The following OXR1 variants were observed in gnomAD, a reference collection of about 807,000 sequenced individuals.
OXR1 encodes oxidation resistance 1.
OXR1 carries 41 observed loss-of-function variants against 104.6 expected under a neutral mutation model. That is an observed-to-expected ratio of 0.39 (90% CI 0.31 to 0.51). OXR1 has a LOEUF of 0.51. OXR1 is among the 20% of genes least tolerant of loss of function. OXR1 has a pLI of 0.77. For missense variants in OXR1, 955 were observed against 1,031.9 expected, an observed-to-expected ratio of 0.93 and a Z score of 1.02; for synonymous variants, 348 against 348.4, an observed-to-expected ratio of 1.00 and a Z score of 0.01.
intron 1 of OXR1, among the ~76,000 whole-genome samples, chr8:106,298,037 A>G (rs1396888472): frequency 6.6e-6 from 1 of 152,234 alleles, no homozygotes. Flanking sequence ...TTGCAATAAA[A>G]TTCGGCTGGT....
chr8:106,427,706 G>A (rs189083775), intron 2 of OXR1, among the ~76,000 whole-genome samples: 4 of 152,300 alleles, frequency 2.6e-5, no homozygotes, highest in African/African-American at 9.6e-5. Context: ...TGAAGACTAT[G>A]TTCTGACAGG....
chr8:106,521,909 G>A (rs1057321547), intron 3 of OXR1, among the ~76,000 whole-genome samples: 1 of 152,094 alleles, frequency 6.6e-6, no homozygotes, highest in African/African-American at 2.4e-5. Context: ...GAACGAACCC[G>A]TCTACAAGCC....
In OXR1 at chr8:106,292,371, A is replaced by G. The variant is rs74861161; in HGVS notation, c.-139+22004A>G. 8.5e-5 allele frequency among the ~76,000 whole-genome samples: 13 copies of G among 152,276 alleles called. 1 individual carries two copies. The East Asian group carries it at 2.5e-3, about 29-fold the overall frequency. ...CAGTAAGACTAAATTTAGCCAAGAA[A>G]TTGTGGAGAAGGAAAACAAAATTTG... is the stretch of plus-strand genomic sequence containing the variant. On this transcript the variant is annotated intron_variant, in intron 1 of 16. Coordinates refer to ENST00000517566, the MANE Select transcript of OXR1 (RefSeq NM_001198533.2).
chr8:106,618,758 T>G (rs963778304), intron 3 of OXR1, among the ~76,000 whole-genome samples: 2 of 152,202 alleles, frequency 1.3e-5, no homozygotes, highest in African/African-American at 4.8e-5. Context: ...ATTAAGACTC[T>G]CCAAACCATC....
chr8:106,745,217 G>C (rs1334369560), intron 15 of OXR1, among the ~76,000 whole-genome samples: 1 of 152,160 alleles, frequency 6.6e-6, no homozygotes, highest in Admixed American at 6.5e-5. Context: ...GTTAGAAAAA[G>C]ATATTTAAGA....
intron 11 of OXR1, among the ~76,000 whole-genome samples, chr8:106,731,716 C>T (rs1052070331): frequency 1.3e-5 from 2 of 152,100 alleles, no homozygotes; most frequent in African/African-American, 4.8e-5. Flanking sequence ...TGGGATATTT[C>T]TGAGTGTTTT....
At chr8:106,381,280 G>C (rs1000561616) in intron 2 of OXR1, among the ~76,000 whole-genome samples, 1 of 152,134 alleles carries the variant, frequency 6.6e-6, no homozygotes, top group Admixed American at 6.5e-5. Flanking sequence ...GTGTGAGAGA[G>C]GAATGGAAAT....
chr8:106,432,929 C>A (rs990584402), intron 2 of OXR1, among the ~76,000 whole-genome samples: 19 of 152,062 alleles, frequency 1.2e-4, no homozygotes, highest in African/African-American at 4.1e-4. Flanking sequence ...CATCTTGTGG[C>A]AATTTGCTTT....
At chr8:106,411,214 ACT>A (rs1198165712) in intron 2 of OXR1, among the ~76,000 whole-genome samples, 1 of 152,158 alleles carries the variant, frequency 6.6e-6, no homozygotes, top group East Asian at 1.9e-4. Context: ...ATGTGGGCAA[ACT>A]CTCTAGTTTG....
intron 3 of OXR1, among the ~76,000 whole-genome samples, chr8:106,577,189 T>C (rs978020954): frequency 2.0e-5 from 3 of 151,324 alleles, no homozygotes; most frequent in Non-Finnish European, 4.4e-5. Context: ...CCCAAAGCTA[T>C]CCGTTTTTTT....
At chr8:106,385,345 A>G (rs1190858666) in intron 2 of OXR1, among the ~76,000 whole-genome samples, 1 of 152,208 alleles carries the variant, frequency 6.6e-6, no homozygotes, top group African/African-American at 2.4e-5. Context: ...TCTTATTGAT[A>G]TTTTACAAAT....
rs1372374971 is a variant in OXR1, at chr8:106,581,334, G to A, written c.220+62195G>A. 1.6e-5 allele frequency: 13 copies of A among 793,370 alleles called. 1 individual carries two copies. Among genetic ancestry groups the A allele is most frequent in the African/African-American group, 7.2e-5 (4 of 55,904 alleles). The allele number at this position is 793,370 out of a possible 1,614,324, so 49.1% of individuals were successfully genotyped here. Reference sequence around the variant, plus strand: ...ATGTCAACCACTTGTTGAGGCAAGCGGAGTCTTGCTACTGGAATGTATAAA... The same window carrying A: ...ATGTCAACCACTTGTTGAGGCAAGCAGAGTCTTGCTACTGGAATGTATAAA... On this transcript the variant is annotated intron_variant, in intron 3 of 16. Coordinates refer to ENST00000517566, the MANE Select transcript of OXR1 (RefSeq NM_001198533.2).
intron 1 of OXR1, chr8:106,271,972 G>C (rs970776170): frequency 6.6e-6 from 1 of 152,202 alleles, no homozygotes; most frequent in Non-Finnish European, 1.5e-5. Context: ...TGCTGTGATT[G>C]TTGCCTGCGG....
chr8:106,520,493 A>G (rs1032299522), intron 3 of OXR1: 5 of 151,644 alleles, frequency 3.3e-5, no homozygotes, highest in African/African-American at 1.2e-4. Context: ...TTCTCTTTCC[A>G]CCATTTTATG....
At chr8:106,581,004 A>C in intron 3 of OXR1, 1 of 1,070,406 alleles carries the variant, frequency 9.3e-7, no homozygotes, top group Non-Finnish European at 1.1e-6. Flanking sequence ...CTTACCCAGC[A>C]CTAAAAGCTT....
At chr8:106,685,244 G>A (rs1828583825) in intron 6 of OXR1, among the ~76,000 whole-genome samples, 1 of 152,238 alleles carries the variant, frequency 6.6e-6, no homozygotes, top group African/African-American at 2.4e-5. Flanking sequence ...ACATAGCCAT[G>A]CCATTTTCCC....
chr8:106,737,385 C>A, intron 11 of OXR1, 135 bp from the exon 12 acceptor site: 1 of 403,860 alleles, frequency 2.5e-6, no homozygotes, highest in East Asian at 3.5e-5. Context: ...GGATTTTCAA[C>A]ATAGAGTGGG....
chr8:106,552,938 TA>T (rs1815962132), intron 3 of OXR1, among the ~76,000 whole-genome samples: 1 of 152,186 alleles, frequency 6.6e-6, no homozygotes, highest in African/African-American at 2.4e-5. Flanking sequence ...AAATAAATAA[TA>T]TCATCCTGGA....
At chr8:106,597,249 C>A (rs1819603657) in intron 3 of OXR1, among the ~76,000 whole-genome samples, 1 of 152,062 alleles carries the variant, frequency 6.6e-6, no homozygotes, top group Admixed American at 6.6e-5. Flanking sequence ...GGGGCAGAGG[C>A]CTCATAAATG....
Sources: gnomAD v4.1 joint callset for allele counts (sites outside exome capture counted in the v4.1 genomes callset) on GRCh38, gnomAD v4.1.1 for gene constraint, MANE v1.5 for transcripts, NCBI Gene and HGNC (gene_info 2026-07-23, HGNC 2026-07-21) for gene names.